Variants in KAZN observed in about 807,000 individuals in gnomAD.
KAZN encodes kazrin, periplakin interacting protein.
In KAZN, 40 loss-of-function variants were observed where a neutral mutation model predicts 87.4. That is an observed-to-expected ratio of 0.46 (90% CI 0.36 to 0.60). KAZN has a LOEUF of 0.60. Among genes scored for constraint, KAZN ranks in the 20% least tolerant of loss-of-function variants. The pLI is 0.00. For synonymous variants in KAZN, 466 were observed against 458.3 expected (o/e 1.02, Z -0.22); for missense variants, 898 against 1,073.9 (o/e 0.84, Z 2.29).
intron 1 of KAZN, among the ~76,000 whole-genome samples, chr1:13,968,693 T>C (rs1365393734): frequency 1.3e-5 from 2 of 152,240 alleles, no homozygotes; most frequent in Non-Finnish European, 2.9e-5. Flanking sequence ...TTGAAATCCT[T>C]TCTTTTCCTA....
intron 2 of KAZN, among the ~76,000 whole-genome samples, chr1:14,335,005 T>C (rs1657131120): frequency 1.3e-5 from 2 of 152,044 alleles, no homozygotes. Context: ...TTTAGGTGTT[T>C]GTCCCTCTGA....
chr1:14,962,852 C>T (rs1664043356), intron 2 of KAZN, among the ~76,000 whole-genome samples: 1 of 152,072 alleles, frequency 6.6e-6, no homozygotes, highest in South Asian at 2.1e-4. Context: ...ATGGCGGCGG[C>T]GGGAGTTAAG....
In KAZN at chr1:14,383,505, A is replaced by C. The variant is rs1661565407; in HGVS notation, c.249+202913A>C. ...ATTGATTTTTGTATAAGGTGTAAGG[A>C]AGGGATCCAGTTTCAGCTTTCTACA... On this transcript the variant is annotated intron_variant, in intron 2 of 16. Transcript: ENST00000636203. Among the ~76,000 whole-genome samples the C allele has an allele frequency of 2.6e-5, 4 of 151,686 alleles. No individual in the cohort carries two copies. In the South Asian group the frequency reaches 8.3e-4, roughly 32 times the overall value.
chr1:14,807,725 C>T (rs114418702), intron 1 of KAZN, among the ~76,000 whole-genome samples: 3,974 of 152,108 alleles, frequency 0.026, 50 homozygotes, highest in African/African-American at 0.043. Flanking sequence ...GCCATCATCA[C>T]GCAACCACAC....
chr1:14,366,938 A>G (rs1199314918), intron 2 of KAZN, among the ~76,000 whole-genome samples: 2 of 152,216 alleles, frequency 1.3e-5, no homozygotes, highest in Non-Finnish European at 2.9e-5. Flanking sequence ...CTTATTGCCA[A>G]TGAAAATGGC....
At chr1:13,932,273 T>C (rs1229892063) in intron 1 of KAZN, among the ~76,000 whole-genome samples, 3 of 149,084 alleles carry the variant, frequency 2.0e-5, no homozygotes, top group Non-Finnish European at 4.5e-5. Flanking sequence ...TTTTTTTTTT[T>C]TTTTTGAGAC....
intron 2 of KAZN, among the ~76,000 whole-genome samples, chr1:14,243,438 T>A (rs867394643): frequency 6.6e-6 from 1 of 152,170 alleles, no homozygotes; most frequent in African/African-American, 2.4e-5. Flanking sequence ...GACATATAAA[T>A]AATGCCACTT....
At chr1:14,125,807 G>T (rs1309940157) in intron 1 of KAZN, among the ~76,000 whole-genome samples, 1 of 152,100 alleles carries the variant, frequency 6.6e-6, no homozygotes, top group Non-Finnish European at 1.5e-5. Context: ...ATCAGGGCAG[G>T]TTCCAGGAAC....
intron 2 of KAZN, among the ~76,000 whole-genome samples, chr1:14,988,188 G>T (rs1472833925): frequency 6.6e-6 from 1 of 152,230 alleles, no homozygotes; most frequent in Non-Finnish European, 1.5e-5. Flanking sequence ...GAGGAAGAAG[G>T]AGCTGCAGGC....
At chr1:14,277,129 G>C (rs1197829982) in intron 2 of KAZN, among the ~76,000 whole-genome samples, 2 of 152,112 alleles carry the variant, frequency 1.3e-5, no homozygotes, top group African/African-American at 4.8e-5. Flanking sequence ...CACAAAAGTA[G>C]AGAAAATAAT....
At chr1:14,678,303 C>G (rs1415025189) in intron 1 of KAZN, among the ~76,000 whole-genome samples, 1 of 152,160 alleles carries the variant, frequency 6.6e-6, no homozygotes, top group Admixed American at 6.5e-5. Context: ...CATCTTTCTC[C>G]CGTACTGGAG....
chr1:14,857,136 CT>C (rs1650217752), intron 1 of KAZN, among the ~76,000 whole-genome samples: 2 of 147,516 alleles, frequency 1.4e-5, no homozygotes, highest in Admixed American at 6.7e-5. Context: ...AGGCGTTTTG[CT>C]TCTCTGAAAC....
At chr1:14,419,625 C>T (rs1005287320) in intron 2 of KAZN, among the ~76,000 whole-genome samples, 1 of 152,166 alleles carries the variant, frequency 6.6e-6, no homozygotes, top group African/African-American at 2.4e-5. Context: ...GTAGTGTGTC[C>T]GGAGTTTGTT....
intron 2 of KAZN, among the ~76,000 whole-genome samples, chr1:14,370,613 C>T (rs1660400498): frequency 6.6e-6 from 1 of 151,700 alleles, no homozygotes; most frequent in Admixed American, 6.6e-5. Flanking sequence ...TGTCCACCTA[C>T]CTATTGGGCT....
intron 1 of KAZN, among the ~76,000 whole-genome samples, chr1:14,793,389 G>A (rs6695860): frequency 1.3e-5 from 2 of 152,124 alleles, no homozygotes; most frequent in Admixed American, 6.5e-5. Context: ...CTTCTGCAGC[G>A]CCTACTCCAT....
intron 1 of KAZN, among the ~76,000 whole-genome samples, chr1:13,983,154 C>T (rs1288956437): frequency 6.6e-6 from 1 of 152,260 alleles, no homozygotes; most frequent in Non-Finnish European, 1.5e-5. Context: ...AGTCCCGCGC[C>T]CTGCGCCTGC....
chr1:14,815,524 T>C (rs1192944546), intron 1 of KAZN, among the ~76,000 whole-genome samples: 3 of 152,164 alleles, frequency 2.0e-5, no homozygotes, highest in African/African-American at 7.2e-5. Flanking sequence ...GCCCAGAAAG[T>C]TCAGTGTTGA....
chr1:14,907,971 T>C (rs189157126), intron 1 of KAZN, among the ~76,000 whole-genome samples: 2 of 152,306 alleles, frequency 1.3e-5, no homozygotes, highest in Admixed American at 6.5e-5. Context: ...TGGGGCTCCA[T>C]GAGATAGGTC....
chr1:14,640,058 G>T lies in KAZN; in HGVS notation c.226+40835G>T, dbSNP rs139768667. Among the ~76,000 whole-genome samples the T allele has an allele frequency of 5.3e-5, 8 of 152,294 alleles. No homozygotes were observed. The East Asian group carries it at 1.5e-3, about 29-fold the overall frequency. On this transcript the variant is annotated intron_variant, in intron 1 of 14. Transcript: ENST00000376030. The stretch of plus-strand genomic sequence containing the variant: ...GCTTGGAAACTGGAAATCCACAAAA[G>T]GTTGTTCGAGAAATGCTCTGGGTTT...
Sources: gnomAD v4.1 joint callset for allele counts (sites outside exome capture counted in the v4.1 genomes callset) on GRCh38, gnomAD v4.1.1 for gene constraint, MANE v1.5 for transcripts, NCBI Gene and HGNC (gene_info 2026-07-23, HGNC 2026-07-21) for gene names.